OR2J3: variants seen among roughly 807,000 people sequenced by gnomAD.
OR2J3 encodes olfactory receptor family 2 subfamily J member 3, also known as olfactory receptor 2J3.
A neutral mutation model predicts 18.5 loss-of-function variants in OR2J3; 13 were observed. The ratio of observed to expected loss-of-function variants is 0.70; its 90% CI spans 0.46 to 1.12. OR2J3 has a LOEUF of 1.12. Ranked by LOEUF, OR2J3 falls within the 50% of genes most tolerant of loss-of-function variation. The pLI is 0.00. For missense variants in OR2J3, 321 were observed against 371.6 expected, an observed-to-expected ratio of 0.86 and a Z score of 1.12; for synonymous variants, 142 against 140.6, an observed-to-expected ratio of 1.01 and a Z score of -0.07.
At chr6:29,108,389 C>G (rs1762003022) in intron 1 of OR2J3, 94 bp downstream of exon 1, 1 of 152,130 alleles carries the variant, frequency 6.6e-6, no homozygotes, top group African/African-American at 2.4e-5. Flanking sequence ...TCCGTTATAC[C>G]TGATTTCCAA....
chr6:29,112,124 C>T lies in OR2J3; in HGVS notation c.234C>T (p.Thr78=). The part of the protein sequence containing the change: ...NLSFLDLCYT[T]SSIPQLLVNL... The stretch of plus-strand genomic sequence containing the variant: ...CATTTCTGGATCTCTGCTACACCAC[C>T]AGCTCTATCCCTCAGTTGCTGGTCA... The change falls in exon 4 of 4, where the codon ACC becomes ACT. Residue 78 remains threonine, a synonymous_variant. Transcript: ENST00000641151. 6.2e-7 allele frequency: 1 copy of T among 1,614,126 alleles called. No homozygotes were observed. Among genetic ancestry groups the T allele is most frequent in the Non-Finnish European group, 8.5e-7 (1 of 1,180,038 alleles).
rs1258078786 is a variant in OR2J3, at chr6:29,113,253, T to A, written c.*427T>A. The A allele has an allele frequency of 6.0e-6, 1 of 166,610 alleles. No homozygotes were observed. The highest frequency in any genetic ancestry group is 1.3e-5 in the Non-Finnish European group (1 of 77,324). 10.3% of individuals were successfully genotyped at this position (166,610 alleles called of 1,614,324 possible). On this transcript the variant is annotated 3_prime_UTR_variant, in exon 4 of 4. Coordinates refer to ENST00000641151, the MANE Select transcript of OR2J3 (RefSeq NM_001005216.4). Reference sequence around the variant, plus strand: ...CTTTTTGGGCAGAATACTTTTGTCTTCTATCTTTAGTTTAGTTAAATACAC... The same window carrying A: ...CTTTTTGGGCAGAATACTTTTGTCTACTATCTTTAGTTTAGTTAAATACAC...
chr6:29,113,073 A>G lies in OR2J3; in HGVS notation c.*247A>G, dbSNP rs532295188. 3 of 503,050 alleles carry G rather than the reference A, an allele frequency of 6.0e-6. No individual in the cohort carries two copies. The highest frequency in any genetic ancestry group is 1.0e-5 in the Non-Finnish European group (3 of 287,826). 31.2% of individuals were successfully genotyped at this position (503,050 alleles called of 1,614,324 possible). A position where few individuals can be genotyped will look rare whatever the true frequency, so the allele number is the denominator to read the frequency against. On this transcript the variant is annotated 3_prime_UTR_variant, in exon 4 of 4. Coordinates refer to ENST00000641151, the MANE Select transcript of OR2J3 (RefSeq NM_001005216.4). ...AAAACATCTATAGTGATGTTTTTCC[A>G]TGGTACAAACCTAATGTATCCAAGA...
Position 29,112,819 on chromosome 6 carries a change from G to A in OR2J3, c.929G>A (p.Trp310Ter), listed in dbSNP as rs947359693. Residue 310 changes from tryptophan to a stop codon, truncating the protein, a stop_gained, in exon 4 of 4, where the codon TGG (tryptophan) becomes TAG (stop). Coordinates refer to ENST00000641151, the MANE Select transcript of OR2J3 (RefSeq NM_001005216.4). LOFTEE classifies it high-confidence loss of function. Reference sequence around the variant, plus strand: ...GGGGCAGTGAAGAGACTAATGGGGTGGGAATGAGCCTGTGTATGTGTCATA... The same window carrying A: ...GGGGCAGTGAAGAGACTAATGGGGTAGGAATGAGCCTGTGTATGTGTCATA... ...VRGAVKRLMG[W>*]E is the part of the protein sequence containing the mutation. 7.4e-6 allele frequency: 12 copies of A among 1,611,628 alleles called. No homozygotes were observed. In the African/African-American group the frequency reaches 1.1e-4, roughly 14 times the overall value.
chr6:29,110,760 T>C (rs1351351492), intron 3 of OR2J3, among the ~76,000 whole-genome samples: 3 of 152,138 alleles, frequency 2.0e-5, no homozygotes, highest in African/African-American at 7.2e-5. Flanking sequence ...AAAAAAGTAG[T>C]ACAAAAGACT....
At position 29,112,503 on chromosome 6, in the gene OR2J3, A is replaced by G. The variant is rs1762179818; in HGVS notation, c.613A>G (p.Thr205Ala). The change falls in exon 4 of 4, where the codon ACA becomes GCA. Residue 205 changes from threonine to alanine, a missense_variant. Thr to Ala is a moderately conservative substitution (Grantham distance 58). Transcript: ENST00000641151. Reference sequence around the variant, plus strand: ...TGTCAATGAGCTGACCCTCATGATCACAAGCTCCATATTTGTTCTCATACC... The same window carrying G: ...TGTCAATGAGCTGACCCTCATGATCGCAAGCTCCATATTTGTTCTCATACC... ...THVNELTLMI[T>A]SSIFVLIPLI... The G allele has an allele frequency of 6.2e-7, 1 of 1,614,144 alleles. No homozygotes were observed. The highest frequency in any genetic ancestry group is 1.7e-5 in the Admixed American group (1 of 60,004).
intron 3 of OR2J3, among the ~76,000 whole-genome samples, chr6:29,111,395 G>C (rs1443432462): frequency 6.6e-6 from 1 of 152,146 alleles, no homozygotes; most frequent in Non-Finnish European, 1.5e-5. Flanking sequence ...ATGTTGGTTT[G>C]TGCAAATACA....
At position 29,111,982 on chromosome 6, in the gene OR2J3, T is replaced by TCCAGA. The variant is rs767624204; in HGVS notation, c.92_93insCCAGA (p.Val32GlnfsTer6). On this transcript the variant is annotated frameshift_variant, in exon 4 of 4. Coordinates refer to ENST00000641151, the MANE Select transcript of OR2J3 (RefSeq NM_001005216.4). LOFTEE classifies it high-confidence loss of function. ...TGGCCTCATCTGGAAGTAGTTATCT[T>TCCAGA]TGTGGTTGTCTTGATCTTCTACTTG... The TCCAGA allele has an allele frequency of 6.2e-6, 10 of 1,614,116 alleles. 1 individual carries two copies. In the South Asian group the frequency reaches 1.1e-4, roughly 18 times the overall value.
chr6:29,111,374 G>A (rs1367721410), intron 3 of OR2J3, among the ~76,000 whole-genome samples: 2 of 152,106 alleles, frequency 1.3e-5, no homozygotes, highest in Admixed American at 6.6e-5. Context: ...CATCATCACA[G>A]CAGGCTCATG....
chr6:29,112,594 C>G lies in OR2J3; in HGVS notation c.704C>G (p.Thr235Ser). Residue 235 changes from threonine to serine, a missense_variant, in exon 4 of 4, where the codon ACT becomes AGT. Coordinates refer to ENST00000641151, the MANE Select transcript of OR2J3 (RefSeq NM_001005216.4). ...GCTATACTGAGGATGCAGTCAACCA[C>G]TGGGCTTCAGAAAGTGTTTGGAACA... Reference protein sequence around the residue: ...VRAILRMQSTTGLQKVFGTCG... With the variant: ...VRAILRMQSTSGLQKVFGTCG... 1 of 1,614,094 alleles carries G rather than the reference C, an allele frequency of 6.2e-7. No homozygotes were observed. Among genetic ancestry groups the G allele is most frequent in the Non-Finnish European group, 8.5e-7 (1 of 1,179,976 alleles).
rs201413360 is a variant in OR2J3, at chr6:29,112,264, G to A, written c.374G>A (p.Arg125His). The change falls in exon 4 of 4, where the codon CGT (arginine) becomes CAT (histidine). Residue 125 changes from arginine (R) to histidine (H), a missense_variant. Arg to His is a conservative substitution (Grantham distance 29, BLOSUM62 0). Transcript: ENST00000641151. ...CVLLVVMSYD[R>H]YAAVCRPLHY... ...CTACTGGTGGTGATGTCCTATGACCGTTATGCAGCTGTGTGTAGACCTTTG... is the reference window on the plus strand; with the variant it reads ...CTACTGGTGGTGATGTCCTATGACCATTATGCAGCTGTGTGTAGACCTTTG... 1.0e-3 allele frequency: 1,668 copies of A among 1,614,098 alleles called. 17 individuals are homozygous for A. In the South Asian group the frequency reaches 0.016, roughly 15 times the overall value.
chr6:29,112,523 C>T lies in OR2J3; in HGVS notation c.633C>T (p.Leu211=). ...TGATCACAAGCTCCATATTTGTTCT[C>T]ATACCTCTCATCCTCATTCTCACTT... The part of the protein sequence containing the change: ...TLMITSSIFV[L]IPLILILTSY... Residue 211 remains leucine, a synonymous_variant, in exon 4 of 4, where the codon CTC becomes CTT. Coordinates refer to ENST00000641151, the MANE Select transcript of OR2J3 (RefSeq NM_001005216.4). 2.5e-6 allele frequency: 4 copies of T among 1,614,122 alleles called. No homozygotes were observed. The highest frequency in any genetic ancestry group is 3.4e-6 in the Non-Finnish European group (4 of 1,180,012).
At chr6:29,109,053 G>A (rs1319395337) in intron 3 of OR2J3, among the ~76,000 whole-genome samples, 178 bp downstream of exon 3, 1 of 152,158 alleles carries the variant, frequency 6.6e-6, no homozygotes. Flanking sequence ...ATCTGCATGA[G>A]AGAAGGTAAC....
rs1266120995 is a variant in OR2J3 at position 29,112,324 on chromosome 6, A to G, written c.434A>G (p.His145Arg). 76 of 1,613,958 alleles carry G rather than the reference A, an allele frequency of 4.7e-5. No homozygotes were observed. The highest frequency in any genetic ancestry group is 6.4e-5 in the Non-Finnish European group (75 of 1,180,022). Residue 145 changes from histidine (H) to arginine (R), a missense_variant, in exon 4 of 4, where the codon CAC (histidine) becomes CGC (arginine). Physicochemically the swap from His to Arg is conservative, Grantham distance 29. Coordinates refer to ENST00000641151, the MANE Select transcript of OR2J3 (RefSeq NM_001005216.4). ...YTVLMHPRFC[H>R]LLAVASWVSG... ...GTCCTCATGCACCCTCGTTTCTGCC[A>G]CCTGCTGGCTGTGGCTTCTTGGGTA...
rs563050139 is a variant in OR2J3, at chr6:29,112,046, A to G, written c.156A>G (p.Ser52=). The stretch of plus-strand genomic sequence containing the variant: ...GAAACCTGTTCATCATCATCCTGTC[A>G]TACCTGGACTCCCATCTGCACACAC... ...LIGNLFIIIL[S]YLDSHLHTPM... Residue 52 remains serine, a synonymous_variant, in exon 4 of 4, where the codon TCA becomes TCG. Transcript: ENST00000641151. 5.5e-4 allele frequency: 889 copies of G among 1,614,130 alleles called. 6 individuals are homozygous for G. The highest frequency in any genetic ancestry group is 5.3e-3 in the South Asian group (479 of 91,080).
Position 29,112,923 on chromosome 6 carries a change from C to A in OR2J3, c.*97C>A. On this transcript the variant is annotated 3_prime_UTR_variant, in exon 4 of 4. Transcript: ENST00000641151. ...TCAACCATTCTTTTATTCACTCACT[C>A]TGTTAGCACTTGCTGAGCATGTACT... 1 of 1,395,672 alleles carries A rather than the reference C, an allele frequency of 7.2e-7. No homozygotes were observed. Among genetic ancestry groups the A allele is most frequent in the Non-Finnish European group, 9.5e-7 (1 of 1,052,674 alleles). 86.5% of individuals were successfully genotyped at this position (1,395,672 alleles called of 1,614,324 possible). A position where few individuals can be genotyped will look rare whatever the true frequency, so the allele number is the denominator to read the frequency against.
chr6:29,112,641 G>T lies in OR2J3; in HGVS notation c.751G>T (p.Val251Leu), dbSNP rs368523003. ...FGTCGAHLMA[V>L]SLFFIPAMCM... ...AACATGTGGAGCTCATCTTATGGCTGTATCTCTCTTTTTCATTCCGGCCAT... is the reference window on the plus strand; with the variant it reads ...AACATGTGGAGCTCATCTTATGGCTTTATCTCTCTTTTTCATTCCGGCCAT... Residue 251 changes from valine to leucine, a missense_variant, in exon 4 of 4, where the codon GTA becomes TTA. Physicochemically the swap from Val to Leu is conservative, Grantham distance 32. Transcript: ENST00000641151. The T allele has an allele frequency of 3.1e-6, 5 of 1,613,946 alleles. No homozygotes were observed. Among genetic ancestry groups the T allele is most frequent in the Non-Finnish European group, 3.4e-6 (4 of 1,180,014 alleles).
At chr6:29,111,374 G>C (rs1367721410) in intron 3 of OR2J3, among the ~76,000 whole-genome samples, 1 of 152,106 alleles carries the variant, frequency 6.6e-6, no homozygotes, top group Non-Finnish European at 1.5e-5. Context: ...CATCATCACA[G>C]CAGGCTCATG....
In OR2J3 at chr6:29,113,745, T is replaced by A. The variant is rs1001592380; in HGVS notation, c.*919T>A. The stretch of plus-strand genomic sequence containing the variant: ...GGAAAATGATAGCTTATTTTTATTT[T>A]AAAGCTTGATCTAATTTGAGTATTT... On this transcript the variant is annotated 3_prime_UTR_variant, in exon 4 of 4. Coordinates refer to ENST00000641151, the MANE Select transcript of OR2J3 (RefSeq NM_001005216.4). The A allele has an allele frequency of 1.3e-5, 2 of 152,228 alleles. No homozygotes were observed. The highest frequency in any genetic ancestry group is 2.9e-5 in the Non-Finnish European group (2 of 68,028). The allele number at this position is 152,228 out of a possible 1,614,324, so 9.4% of individuals were successfully genotyped here. A position where few individuals can be genotyped will look rare whatever the true frequency, so the allele number is the denominator to read the frequency against.
Sources: gnomAD v4.1 joint callset for allele counts (sites outside exome capture counted in the v4.1 genomes callset) on GRCh38, gnomAD v4.1.1 for gene constraint, MANE v1.5 for transcripts, NCBI Gene and HGNC (gene_info 2026-07-23, HGNC 2026-07-21) for gene names.